Variants in LY96 observed in about 807,000 individuals in gnomAD.
LY96 encodes myeloid differentiation protein-2.
Under a neutral mutation model 18.9 loss-of-function variants are expected in LY96, and 18 were observed. The observed-to-expected ratio is 0.95, with a 90% CI of 0.66 to 1.41. The LOEUF is 1.41. Among genes scored for constraint, LY96 ranks in the 40% most tolerant of loss-of-function variants. The probability of loss-of-function intolerance (pLI) is 0.00; values close to 1 mark genes in which losing one functional copy is unlikely to be tolerated. For synonymous variants in LY96, 66 were observed against 62.6 expected (o/e 1.06, Z -0.26); for missense variants, 175 against 182.4 (o/e 0.96, Z 0.23).
chr8:74,039,788 G>A, the LY96 span, among the ~76,000 whole-genome samples: 1 of 152,200 alleles, frequency 6.6e-6, no homozygotes, highest in African/African-American at 2.4e-5. Context: ...ACTTCAAAGA[G>A]GAACCAGGAG....
chr8:74,001,612 G>C (rs1421260950), intron 1 of LY96, among the ~76,000 whole-genome samples: 1 of 151,946 alleles, frequency 6.6e-6, no homozygotes, highest in Admixed American at 6.6e-5. Context: ...AGCACTTTGG[G>C]ATGCTGAGGC....
chr8:73,997,633 G>A (rs534629933), intron 1 of LY96, among the ~76,000 whole-genome samples: 1 of 152,244 alleles, frequency 6.6e-6, no homozygotes, highest in South Asian at 2.1e-4. Flanking sequence ...CTTCCCACAA[G>A]TTTTCCTCCC....
chr8:74,090,963 A>G, the LY96 span, among the ~76,000 whole-genome samples: 6 of 152,300 alleles, frequency 3.9e-5, no homozygotes, highest in South Asian at 6.2e-4. Context: ...ATTTTACTTT[A>G]TTTCATTCTC....
the LY96 span, among the ~76,000 whole-genome samples, chr8:74,087,034 A>G: frequency 2.6e-5 from 4 of 152,324 alleles, no homozygotes; most frequent in Admixed American, 6.5e-5. Context: ...TCTTGTGTGA[A>G]TATTGAATAC....
intron 3 of LY96, among the ~76,000 whole-genome samples, chr8:74,024,699 G>A (rs1014162776): frequency 1.3e-5 from 2 of 152,158 alleles, no homozygotes; most frequent in Non-Finnish European, 2.9e-5. Flanking sequence ...TGGCCCCAGA[G>A]CCATCACTCT....
chr8:74,067,010 AGT>A, the LY96 span, among the ~76,000 whole-genome samples: 1 of 152,344 alleles, frequency 6.6e-6, no homozygotes, highest in East Asian at 1.9e-4. Context: ...TAGTGGAGAC[AGT>A]GTGTCAGGCA....
the LY96 span, among the ~76,000 whole-genome samples, chr8:74,092,574 C>G: frequency 6.6e-6 from 1 of 152,178 alleles, no homozygotes; most frequent in East Asian, 1.9e-4. Context: ...TCAGCACTGA[C>G]AACACTTGGA....
At chr8:74,068,793 T>G in the LY96 span, among the ~76,000 whole-genome samples, 85 of 152,234 alleles carry the variant, frequency 5.6e-4, 1 homozygote, top group Non-Finnish European at 3.8e-4. Flanking sequence ...CTTTTCTTAT[T>G]ACTGAGTTTT....
chr8:74,060,327 G>A, the LY96 span, among the ~76,000 whole-genome samples: 1 of 152,196 alleles, frequency 6.6e-6, no homozygotes, highest in South Asian at 2.1e-4. Context: ...AAATCAATTA[G>A]CAAAGTTAAA....
In LY96 at chr8:74,004,699, T is replaced by TAATGC. The variant is rs1402065214; in HGVS notation, c.113-94_113-90dup. 24 of 1,151,944 alleles carry TAATGC rather than the reference T, an allele frequency of 2.1e-5. No individual in the cohort carries two copies. In the African/African-American group the frequency reaches 3.4e-4, roughly 17 times the overall value. 71.4% of individuals were successfully genotyped at this position (1,151,944 alleles called of 1,614,324 possible). A position where few individuals can be genotyped will look rare whatever the true frequency, so the allele number is the denominator to read the frequency against. On this transcript the variant is annotated intron_variant, in intron 1 of 4. Coordinates refer to ENST00000284818, the MANE Select transcript of LY96 (RefSeq NM_015364.5). ...ATCAATTTTTCTTATTTTATAATTTTAATGCAAGATTCATCTTAAAAGGCT... is the reference window on the plus strand; with the variant it reads ...ATCAATTTTTCTTATTTTATAATTTTAATGCAATGCAAGATTCATCTTAAAAGGCT...
the LY96 span, among the ~76,000 whole-genome samples, chr8:74,050,445 C>T: frequency 3.9e-5 from 6 of 152,136 alleles, no homozygotes; most frequent in African/African-American, 1.4e-4. Flanking sequence ...TACCCACCCG[C>T]CCACTCCACC....
chr8:74,009,693 C>T (rs547486336), intron 2 of LY96, among the ~76,000 whole-genome samples: 20 of 152,188 alleles, frequency 1.3e-4, no homozygotes, highest in Non-Finnish European at 2.5e-4. Context: ...TAGAACTAGA[C>T]ATTTTATGTC....
downstream of LY96, among the ~76,000 whole-genome samples, chr8:74,030,990 G>A (rs1286205098): frequency 6.6e-6 from 1 of 152,236 alleles, no homozygotes; most frequent in Non-Finnish European, 1.5e-5. Context: ...TACTTTCAGA[G>A]AGGACTTAGC....
the LY96 span, among the ~76,000 whole-genome samples, chr8:74,081,182 CCCTTCCTTCCTTCCTTCTTT>C: frequency 4.0e-5 from 5 of 126,110 alleles, no homozygotes; most frequent in East Asian, 4.7e-4. Flanking sequence ...TCTTTCTTTT[CCCTTCCTTCCTTCCTTCTTT>C]CCTTCCTTCC....
the LY96 span, among the ~76,000 whole-genome samples, chr8:74,075,346 C>A: frequency 6.6e-6 from 1 of 152,252 alleles, no homozygotes; most frequent in Non-Finnish European, 1.5e-5. Context: ...TCATAGCTCA[C>A]TGCAGCCTCG....
chr8:74,031,962 TA>T (rs1187483812), downstream of LY96, among the ~76,000 whole-genome samples: 3 of 152,048 alleles, frequency 2.0e-5, no homozygotes, highest in Admixed American at 2.0e-4. Flanking sequence ...TCATCTCTAC[TA>T]AAAATACAAA....
At chr8:74,097,289 G>A in the LY96 span, among the ~76,000 whole-genome samples, 6 of 152,244 alleles carry the variant, frequency 3.9e-5, no homozygotes, top group South Asian at 2.1e-4. Flanking sequence ...GGCCCTTTCC[G>A]CCTGTGTGCT....
At chr8:74,099,613 AG>A in the LY96 span, 1 of 152,252 alleles carries the variant, frequency 6.6e-6, no homozygotes, top group Non-Finnish European at 1.5e-5. Context: ...ACCCATGAAG[AG>A]GCATGAAGCT....
the LY96 span, among the ~76,000 whole-genome samples, chr8:74,082,266 T>C: frequency 6.6e-6 from 1 of 152,194 alleles, no homozygotes; most frequent in South Asian, 2.1e-4. Context: ...TTCTTTATCT[T>C]CTTTCTGGAT....
Sources: allele counts gnomAD v4.1 joint callset (sites outside exome capture counted in the v4.1 genomes callset), GRCh38; gene constraint gnomAD v4.1.1; transcripts MANE v1.5; gene names NCBI Gene and HGNC (gene_info 2026-07-23, HGNC 2026-07-21).